The following CLSTN2 variants were observed in gnomAD, a reference collection of about 807,000 sequenced individuals.
The protein encoded by CLSTN2 is calsyntenin-2.
CLSTN2 carries 48 observed loss-of-function variants against 101.2 expected under a neutral mutation model. The observed-to-expected ratio is 0.47, with a 90% CI of 0.38 to 0.60. The LOEUF is 0.60. Among genes scored for constraint, CLSTN2 ranks in the 20% least tolerant of loss-of-function variants. CLSTN2 has a pLI of 0.00. For synonymous variants in CLSTN2, 481 were observed against 463.6 expected, an observed-to-expected ratio of 1.04 and a Z score of -0.48; for missense variants, 1,160 against 1,238.2, an observed-to-expected ratio of 0.94 and a Z score of 0.95.
chr3:140,267,706 C>T (rs1399959672), intron 2 of CLSTN2, among the ~76,000 whole-genome samples: 1 of 152,106 alleles, frequency 6.6e-6, no homozygotes, highest in African/African-American at 2.4e-5. Flanking sequence ...TTTGAAAATA[C>T]AAGGGGAAAA....
intron 2 of CLSTN2, among the ~76,000 whole-genome samples, chr3:140,372,444 G>A (rs1477382254): frequency 1.3e-5 from 2 of 152,188 alleles, no homozygotes; most frequent in Admixed American, 6.5e-5. Flanking sequence ...GAATGCAGAT[G>A]ATGACTTGGG....
intron 1 of CLSTN2, among the ~76,000 whole-genome samples, chr3:140,017,995 A>G (rs2007235233): frequency 6.6e-6 from 1 of 152,236 alleles, no homozygotes; most frequent in South Asian, 2.1e-4. Context: ...CAGACAGACC[A>G]GTACAGTCTA....
chr3:139,986,608 A>G (rs574289018), intron 1 of CLSTN2, among the ~76,000 whole-genome samples: 23 of 152,242 alleles, frequency 1.5e-4, no homozygotes, highest in East Asian at 5.8e-4. Context: ...CAGATTATTC[A>G]GCGCCTAGAT....
chr3:140,384,294 C>T (rs4683829), intron 2 of CLSTN2, among the ~76,000 whole-genome samples: 47,877 of 151,982 alleles, frequency 0.32, 8,275 homozygotes, highest in African/African-American at 0.45. Flanking sequence ...AGCAAATAAT[C>T]GTTTTATTTT....
intron 8 of CLSTN2, among the ~76,000 whole-genome samples, chr3:140,520,311 G>A (rs1022887408): frequency 1.3e-5 from 2 of 152,118 alleles, no homozygotes; most frequent in Non-Finnish European, 2.9e-5. Context: ...GCCTGAGACT[G>A]GATAATTTAT....
chr3:140,149,954 C>T (rs2107813490), intron 1 of CLSTN2, among the ~76,000 whole-genome samples: 1 of 152,208 alleles, frequency 6.6e-6, no homozygotes, highest in African/African-American at 2.4e-5. Context: ...GTTAAACTAC[C>T]TACTTGTATC....
chr3:139,938,540 T>C (rs966340079), intron 1 of CLSTN2, among the ~76,000 whole-genome samples: 4 of 152,204 alleles, frequency 2.6e-5, no homozygotes, highest in African/African-American at 9.7e-5. Flanking sequence ...ATATTTTGGC[T>C]ATTCAAAAAA....
At chr3:139,951,995 G>T (rs1221079434) in intron 1 of CLSTN2, among the ~76,000 whole-genome samples, 1 of 152,026 alleles carries the variant, frequency 6.6e-6, no homozygotes, top group African/African-American at 2.4e-5. Context: ...CCTCACATAA[G>T]CTTGAAGTGT....
intron 5 of CLSTN2, among the ~76,000 whole-genome samples, chr3:140,433,499 T>C (rs1228749426): frequency 1.3e-5 from 2 of 152,238 alleles, no homozygotes; most frequent in Non-Finnish European, 2.9e-5. Flanking sequence ...CCTCTTCCAC[T>C]GACAGTTCTT....
At chr3:140,413,508 C>T (rs1305722839) in intron 4 of CLSTN2, among the ~76,000 whole-genome samples, 1 of 152,028 alleles carries the variant, frequency 6.6e-6, no homozygotes, top group Non-Finnish European at 1.5e-5. Context: ...CTCAAACTTT[C>T]AAAACACTGA....
Position 140,004,273 on chromosome 3 carries a change from T to G in CLSTN2, c.109+68790T>G, listed in dbSNP as rs572192842. On this transcript the variant is annotated intron_variant, in intron 1 of 16. Transcript: ENST00000458420. ...CTTATAGAATTAAAACAAAGAGAGA[T>G]AGCTAATAAATTGGAAAGTGACTTT... Among the ~76,000 whole-genome samples the G allele has an allele frequency of 4.6e-5, 7 of 152,342 alleles. No homozygotes were observed. The East Asian group carries it at 7.7e-4, about 17-fold the overall frequency.
At position 140,504,493 on chromosome 3, in the gene CLSTN2, G is replaced by A. The variant is rs144777017; in HGVS notation, c.1345-27831G>A. Among the ~76,000 whole-genome samples the A allele has an allele frequency of 3.7e-4, 56 of 152,226 alleles. No individual in the cohort carries two copies. The Middle Eastern group carries it at 0.02, about 55-fold the overall frequency. On this transcript the variant is annotated intron_variant, in intron 8 of 16. Transcript: ENST00000458420. The stretch of plus-strand genomic sequence containing the variant: ...GCCCTGTATTTGAGAGCCATAGTGG[G>A]GAACAAGAGAAGACCAAAACAGAGT...
At position 140,334,179 on chromosome 3, in the gene CLSTN2, A is replaced by G. The variant is rs79978394; in HGVS notation, c.233-69450A>G. On this transcript the variant is annotated intron_variant, in intron 2 of 16. Transcript: ENST00000458420. ...TGTCACAAATTGATGGAGATAGTAC[A>G]TATAAAGGTACATCAAGAAAAGCAT... is the stretch of plus-strand genomic sequence containing the variant. Among the ~76,000 whole-genome samples the G allele has an allele frequency of 6.2e-3, 950 of 152,292 alleles. 20 individuals carry two copies. Among genetic ancestry groups the G allele is most frequent in the African/African-American group, 0.022 (901 of 41,560 alleles).
intron 1 of CLSTN2, among the ~76,000 whole-genome samples, chr3:139,977,509 C>T (rs1024404995): frequency 7.3e-5 from 3 of 40,886 alleles, no homozygotes; most frequent in African/African-American, 1.8e-4. Flanking sequence ...ACAGTATCAA[C>T]TGTGCTGTTT....
chr3:140,361,905 A>G (rs769542811), intron 2 of CLSTN2, among the ~76,000 whole-genome samples: 10 of 152,176 alleles, frequency 6.6e-5, no homozygotes, highest in African/African-American at 1.2e-4. Flanking sequence ...AGTTCTCCAC[A>G]AATTCATTGG....
At chr3:140,506,549 G>C (rs973735536) in intron 8 of CLSTN2, 3 of 152,182 alleles carry the variant, frequency 2.0e-5, no homozygotes, top group African/African-American at 7.2e-5. Context: ...AACAGAGTAA[G>C]AGCCTGGGAG....
At chr3:140,377,587 A>AGTAG (rs1392830373) in intron 2 of CLSTN2, among the ~76,000 whole-genome samples, 2 of 152,210 alleles carry the variant, frequency 1.3e-5, no homozygotes, top group Non-Finnish European at 2.9e-5. Flanking sequence ...CTTAATAAAT[A>AGTAG]AAAATAAATT....
chr3:140,335,923 C>T (rs2087435276), intron 2 of CLSTN2, among the ~76,000 whole-genome samples: 1 of 152,150 alleles, frequency 6.6e-6, no homozygotes, highest in African/African-American at 2.4e-5. Flanking sequence ...ATCTGCACTG[C>T]TGTTAGGATC....
intron 1 of CLSTN2, among the ~76,000 whole-genome samples, chr3:139,997,746 A>G (rs557619032): frequency 8.5e-5 from 13 of 152,332 alleles, no homozygotes; most frequent in Admixed American, 5.9e-4. Context: ...CATTTCAAAT[A>G]TACATTTTCA....
Sources: gnomAD v4.1 joint callset for allele counts (sites outside exome capture counted in the v4.1 genomes callset) on GRCh38, gnomAD v4.1.1 for gene constraint, MANE v1.5 for transcripts, NCBI Gene and HGNC (gene_info 2026-07-23, HGNC 2026-07-21) for gene names.